CEP15: variants seen among roughly 807,000 people sequenced by gnomAD.
CEP15 encodes the protein centrosomal protein 15 kDa.
chr3:62,331,231 G>A, the CEP15 span: 1 of 1,009,882 alleles, frequency 9.9e-7, no homozygotes, highest in Non-Finnish European at 1.5e-6. Context: ...GAGAAGAGTT[G>A]AGGTGAGAGA....
At chr3:62,335,647 T>G in the CEP15 span, 2 of 152,160 alleles carry the variant, frequency 1.3e-5, no homozygotes, top group Non-Finnish European at 2.9e-5. Context: ...GGAAATGTCA[T>G]CTATTCATAC....
the CEP15 span, chr3:62,320,645 A>G: frequency 1.5e-6 from 1 of 669,264 alleles, no homozygotes; most frequent in East Asian, 2.8e-5. Context: ...TCTGACACTT[A>G]AGAGGTTTTA....
chr3:62,328,214 G>A, the CEP15 span, among the ~76,000 whole-genome samples: 10 of 152,240 alleles, frequency 6.6e-5, no homozygotes, highest in African/African-American at 1.7e-4. Flanking sequence ...TCAATTGCAC[G>A]ATTGCAGATT....
the CEP15 span, chr3:62,321,779 A>G: frequency 3.7e-6 from 2 of 546,792 alleles, no homozygotes; most frequent in Non-Finnish European, 6.3e-6. The surrounding 1 kb of genome is among the most constrained non-coding windows in gnomAD (Gnocchi z 4.1). Context: ...CAGATTTTTC[A>G]CTGTCTTATT....
the CEP15 span, chr3:62,333,323 A>G: frequency 6.2e-7 from 1 of 1,611,846 alleles, no homozygotes; most frequent in South Asian, 1.1e-5. This position sits in a 1 kb window ranked among gnomAD's most constrained non-coding sequence, Gnocchi z 4.0. Flanking sequence ...GAAGAGCACC[A>G]TATCCTTTTG....
chr3:62,331,470 A>T, the CEP15 span: 1 of 1,247,350 alleles, frequency 8.0e-7, no homozygotes, highest in African/African-American at 1.5e-5. Context: ...TACAAGTTAA[A>T]CAATGGTTAT....
At chr3:62,334,537 C>T in the CEP15 span, 1 of 152,082 alleles carries the variant, frequency 6.6e-6, no homozygotes, top group African/African-American at 2.4e-5. This position sits in a 1 kb window ranked among gnomAD's most constrained non-coding sequence, Gnocchi z 4.9. Context: ...GATTAGCACA[C>T]TTCTCTACAG....
chr3:62,334,489 G>C, the CEP15 span: 1 of 152,024 alleles, frequency 6.6e-6, no homozygotes, highest in Admixed American at 6.6e-5. The surrounding 1 kb of genome is among the most constrained non-coding windows in gnomAD (Gnocchi z 4.9). Flanking sequence ...GTGTTGGTGT[G>C]GGTAACAATA....
chr3:62,332,441 C>G, the CEP15 span, among the ~76,000 whole-genome samples: 1 of 151,892 alleles, frequency 6.6e-6, no homozygotes, highest in Non-Finnish European at 1.5e-5. Context: ...GCTGAATTTC[C>G]AAAAATGAGA....
At chr3:62,322,321 C>T in the CEP15 span, 55 of 284,700 alleles carry the variant, frequency 1.9e-4, 1 homozygote, top group South Asian at 3.3e-3. This position sits in a 1 kb window ranked among gnomAD's most constrained non-coding sequence, Gnocchi z 5.5. Flanking sequence ...GTAAGGTCAC[C>T]CTTTTGCAAG....
chr3:62,330,285 A>G, the CEP15 span, among the ~76,000 whole-genome samples: 2 of 152,010 alleles, frequency 1.3e-5, no homozygotes, highest in South Asian at 2.1e-4. Context: ...ACAGCCCTCT[A>G]CTTAGATTGC....
the CEP15 span, chr3:62,336,195 T>G: frequency 6.6e-6 from 1 of 152,108 alleles, no homozygotes; most frequent in Non-Finnish European, 1.5e-5. This position sits in a 1 kb window ranked among gnomAD's most constrained non-coding sequence, Gnocchi z 4.4. Context: ...GAATCAAAAT[T>G]AAACTTATTT....
At chr3:62,331,320 T>C in the CEP15 span, 3 of 1,612,302 alleles carry the variant, frequency 1.9e-6, no homozygotes, top group African/African-American at 4.0e-5. Flanking sequence ...CGATATCTGT[T>C]ACAGGATATA....
chr3:62,334,271 A>C, the CEP15 span: 2 of 152,126 alleles, frequency 1.3e-5, no homozygotes, highest in African/African-American at 4.8e-5. The surrounding 1 kb of genome is among the most constrained non-coding windows in gnomAD (Gnocchi z 4.9). Flanking sequence ...TGTATATATA[A>C]CTTTCCAGCT....
the CEP15 span, among the ~76,000 whole-genome samples, chr3:62,323,450 G>A: frequency 1.0e-3 from 159 of 152,264 alleles, no homozygotes; most frequent in East Asian, 9.7e-3. Flanking sequence ...TCCTGGGAGC[G>A]TGACTAACTA....
At chr3:62,331,267 A>C in the CEP15 span, 1 of 1,445,802 alleles carries the variant, frequency 6.9e-7, no homozygotes, top group Admixed American at 1.7e-5. Context: ...TTGCTAGTAC[A>C]GGTGCCATTT....
the CEP15 span, chr3:62,333,487 A>G: frequency 3.0e-6 from 4 of 1,319,658 alleles, no homozygotes; most frequent in Non-Finnish European, 4.1e-6. This position sits in a 1 kb window ranked among gnomAD's most constrained non-coding sequence, Gnocchi z 4.0. Flanking sequence ...ATATGTTCAT[A>G]TTCTTCGATT....
At chr3:62,322,519 A>G in the CEP15 span, 1 of 156,960 alleles carries the variant, frequency 6.4e-6, no homozygotes, top group East Asian at 1.9e-4. This position sits in a 1 kb window ranked among gnomAD's most constrained non-coding sequence, Gnocchi z 5.5. Flanking sequence ...ATGATAACAG[A>G]TTTCCCAGCT....
chr3:62,330,153 T>C, the CEP15 span, among the ~76,000 whole-genome samples: 4 of 152,278 alleles, frequency 2.6e-5, no homozygotes, highest in African/African-American at 9.6e-5. Flanking sequence ...GTTTTTCCCT[T>C]TTACATTTCA....
Sources: gnomAD v4.1 joint callset for allele counts (sites outside exome capture counted in the v4.1 genomes callset) on GRCh38, gnomAD v4.1.1 for gene constraint, Gnocchi (gnomAD v3.1) non-coding constraint, MANE v1.5 for transcripts, NCBI Gene and HGNC (gene_info 2026-07-23, HGNC 2026-07-21) for gene names.